Variants in OSBP observed in about 807,000 individuals in gnomAD.
OSBP encodes the protein oxysterol-binding protein 1.
A neutral mutation model predicts 96.6 loss-of-function variants in OSBP; 32 were observed. The observed-to-expected ratio is 0.33, with a 90% CI of 0.25 to 0.45. The LOEUF is 0.45. OSBP is among the 20% of genes least tolerant of loss of function. The pLI is 1.00. For synonymous variants in OSBP, 369 were observed against 389.6 expected (o/e 0.95, Z 0.62); for missense variants, 653 against 1,029.7 (o/e 0.63, Z 5.01).
At chr11:59,589,412 C>A (rs1322512677) in intron 9 of OSBP, among the ~76,000 whole-genome samples, 1 of 150,970 alleles carries the variant, frequency 6.6e-6, no homozygotes, top group East Asian at 2.0e-4. Context: ...ACCAGCCTGG[C>A]CAACATGGTG....
intron 3 of OSBP, among the ~76,000 whole-genome samples, 192 bp downstream of exon 3, chr11:59,608,292 A>G (rs1382170084): frequency 6.6e-6 from 1 of 152,232 alleles, no homozygotes; most frequent in African/African-American, 2.4e-5. Context: ...ACTTAAGCAG[A>G]GCATGAAAGT....
intron 5 of OSBP, 60 bp from the exon 6 acceptor site, chr11:59,600,933 G>T: frequency 1.4e-6 from 2 of 1,420,178 alleles, no homozygotes; most frequent in Non-Finnish European, 2.0e-6. Context: ...GTGTGGTCCT[G>T]GACATTTCTT....
In OSBP at chr11:59,576,266, G is replaced by C. The variant is rs1375894746; in HGVS notation, c.*311C>G. The C allele has an allele frequency of 3.8e-6, 1 of 265,352 alleles. No homozygotes were observed. Among genetic ancestry groups the C allele is most frequent in the Non-Finnish European group, 7.1e-6 (1 of 141,348 alleles). The allele number at this position is 265,352 out of a possible 1,614,324, so 16.4% of individuals were successfully genotyped here. A position where few individuals can be genotyped will look rare whatever the true frequency, so the allele number is the denominator to read the frequency against. ...GAGGGTGAGTGACATTGTCTTAAAT[G>C]GGGGCAGAGGGAGAAAGAAGAGCCA... On this transcript the variant is annotated 3_prime_UTR_variant, in exon 14 of 14. Transcript: ENST00000263847.
At chr11:59,578,376 A>C (rs1860383802) in intron 11 of OSBP, 46 bp from the exon 12 acceptor site, 1 of 1,574,836 alleles carries the variant, frequency 6.3e-7, no homozygotes, top group Non-Finnish European at 8.7e-7. Flanking sequence ...ATTCACTGTG[A>C]ATTAGCTTAC....
intron 9 of OSBP, among the ~76,000 whole-genome samples, chr11:59,587,629 A>T (rs1451158929): frequency 6.6e-6 from 1 of 152,256 alleles, no homozygotes; most frequent in Non-Finnish European, 1.5e-5. Context: ...GTCAAACCAC[A>T]ATGAGATACT....
At chr11:59,581,364 C>T in intron 10 of OSBP, 87 bp downstream of exon 10, 1 of 613,920 alleles carries the variant, frequency 1.6e-6, no homozygotes. Flanking sequence ...CATTCTGAGA[C>T]CAGTTCACAT....
At chr11:59,580,343 C>T in intron 10 of OSBP, 74 bp from the exon 11 acceptor site, 1 of 930,510 alleles carries the variant, frequency 1.1e-6, no homozygotes, top group Non-Finnish European at 1.7e-6. Context: ...GTTCATAATT[C>T]TTTACTTTTC....
rs574857242 is a variant in OSBP, at chr11:59,614,780, G to A, written c.362+523C>T. Among the ~76,000 whole-genome samples the A allele has an allele frequency of 6.6e-5, 10 of 152,346 alleles. No individual in the cohort carries two copies. The East Asian group carries it at 1.7e-3, about 26-fold the overall frequency. ...GGGGACGGAATACCGAAGCCACCCT[G>A]TGTGTGTGATGCCCTTATGTCTGAA... On this transcript the variant is annotated intron_variant, in intron 1 of 13. Coordinates refer to ENST00000263847, the MANE Select transcript of OSBP (RefSeq NM_002556.3).
At chr11:59,587,549 C>T (rs1860515854) in intron 9 of OSBP, among the ~76,000 whole-genome samples, 1 of 151,306 alleles carries the variant, frequency 6.6e-6, no homozygotes, top group Non-Finnish European at 1.5e-5. Flanking sequence ...GGTATTCCTC[C>T]AAAGATATAC....
Position 59,575,001 on chromosome 11 carries a change from G to A in OSBP, c.*1576C>T, listed in dbSNP as rs764901261. Reference sequence around the variant, plus strand: ...TCCTCAACCAAGGGTGGGTTGCACAGGGGATATTTCTCAACAAGACAACAA... The same window carrying A: ...TCCTCAACCAAGGGTGGGTTGCACAAGGGATATTTCTCAACAAGACAACAA... On this transcript the variant is annotated 3_prime_UTR_variant, in exon 14 of 14. Coordinates refer to ENST00000263847, the MANE Select transcript of OSBP (RefSeq NM_002556.3). The A allele has an allele frequency of 4.6e-5, 7 of 152,236 alleles. No individual in the cohort carries two copies. The highest frequency in any genetic ancestry group is 7.2e-5 in the African/African-American group (3 of 41,418). 9.4% of individuals were successfully genotyped at this position (152,236 alleles called of 1,614,324 possible).
At chr11:59,591,953 C>T (rs1319557615) in intron 9 of OSBP, among the ~76,000 whole-genome samples, 3 of 152,124 alleles carry the variant, frequency 2.0e-5, no homozygotes, top group Non-Finnish European at 4.4e-5. Flanking sequence ...TGGTTGAATC[C>T]ATGAATGCAG....
intron 1 of OSBP, among the ~76,000 whole-genome samples, chr11:59,612,891 T>C (rs2134711726): frequency 6.6e-6 from 1 of 152,218 alleles, no homozygotes; most frequent in South Asian, 2.1e-4. Context: ...AGTAACTGGG[T>C]ACGTAAGGAA....
intron 9 of OSBP, among the ~76,000 whole-genome samples, chr11:59,592,152 C>G (rs1860592273): frequency 6.6e-6 from 1 of 152,212 alleles, no homozygotes; most frequent in Admixed American, 6.5e-5. Flanking sequence ...TACTCTTAAG[C>G]TAATACTTCT....
At position 59,578,311 on chromosome 11, in the gene OSBP, T is replaced by C. The variant is rs763784991; in HGVS notation, c.1898A>G (p.Asp633Gly). The C allele has an allele frequency of 5.6e-5, 90 of 1,614,104 alleles. No homozygotes were observed. Among genetic ancestry groups the C allele is most frequent in the Middle Eastern group, 3.3e-4 (2 of 6,082 alleles). ...AGCAAAGTGGACTTTTCCTGATGGA[T>C]CTGTCACTTCCCCCGTCACCTGCAA... The part of the protein sequence containing the change: ...VARKVTGEVT[D>G]PSGKVHFALL... The change falls in exon 12 of 14, where the codon GAT (aspartate) becomes GGT (glycine). Residue 633 changes from aspartate to glycine, a missense_variant. By Grantham distance (94) the Asp-to-Gly change is moderately conservative (BLOSUM62 -1). Around this residue, in one of 6 missense-constraint regions of OSBP, gnomAD observed 169 missense variants for 251.5 expected, o/e 0.67. Transcript: ENST00000263847.
chr11:59,606,522 G>C (rs556565033), intron 3 of OSBP, among the ~76,000 whole-genome samples: 4 of 151,932 alleles, frequency 2.6e-5, no homozygotes, highest in Admixed American at 6.6e-5. Context: ...ATAAACACTA[G>C]GGATTCCAAA....
At position 59,580,154 on chromosome 11, in the gene OSBP, T is replaced by TA; in HGVS notation, c.1878+19dup. On this transcript the variant is annotated intron_variant, in intron 11 of 13. Transcript: ENST00000263847. ...GAGATACATGCTACGTGAAACAATTTAAATTTCAACTTCCCTTACCTTTCT... is the reference window on the plus strand; with the variant it reads ...GAGATACATGCTACGTGAAACAATTTAAAATTTCAACTTCCCTTACCTTTCT... 1 of 1,518,658 alleles carries TA rather than the reference T, an allele frequency of 6.6e-7. No homozygotes were observed. The highest frequency in any genetic ancestry group is 9.1e-7 in the Non-Finnish European group (1 of 1,093,288). The allele number at this position is 1,518,658 out of a possible 1,614,324, so 94.1% of individuals were successfully genotyped here. A position where few individuals can be genotyped will look rare whatever the true frequency, so the allele number is the denominator to read the frequency against.
At chr11:59,612,297 C>A (rs1479084285) in intron 1 of OSBP, among the ~76,000 whole-genome samples, 12 of 152,270 alleles carry the variant, frequency 7.9e-5, no homozygotes, top group Admixed American at 5.9e-4. Context: ...TCCGTTTTTT[C>A]TATTCTTACC....
chr11:59,589,234 T>C (rs968333464), intron 9 of OSBP, among the ~76,000 whole-genome samples: 5 of 151,076 alleles, frequency 3.3e-5, no homozygotes, highest in African/African-American at 4.9e-5. Flanking sequence ...GTGATCCTCC[T>C]GCCTTGGCCT....
At chr11:59,592,136 A>G (rs1860592097) in intron 9 of OSBP, among the ~76,000 whole-genome samples, 1 of 152,224 alleles carries the variant, frequency 6.6e-6, no homozygotes, top group African/African-American at 2.4e-5. Context: ...CATCTCAGGC[A>G]TTTACTACTC....
Sources: allele counts gnomAD v4.1 joint callset (sites outside exome capture counted in the v4.1 genomes callset), GRCh38; gene constraint gnomAD v4.1.1; regional missense constraint gnomAD v4.1.1; transcripts MANE v1.5; gene names NCBI Gene and HGNC (gene_info 2026-07-23, HGNC 2026-07-21).